The following EPS15L1 variants were observed in gnomAD, a reference collection of about 807,000 sequenced individuals.
EPS15L1 encodes epidermal growth factor receptor substrate 15-like 1.
In EPS15L1, 43 loss-of-function variants were observed where a neutral mutation model predicts 117.1. The observed-to-expected ratio is 0.37, with a 90% CI of 0.29 to 0.47. The LOEUF is 0.47. Ranked by LOEUF, EPS15L1 falls within the 20% of genes least tolerant of loss-of-function variation. The pLI is 0.99. For missense variants in EPS15L1, 981 were observed against 1,164.0 expected (o/e 0.84, Z 2.29); for synonymous variants, 459 against 470.5 (o/e 0.98, Z 0.32).
At chr19:16,416,998 G>A (rs186844842) in intron 12 of EPS15L1, among the ~76,000 whole-genome samples, 47 of 152,324 alleles carry the variant, frequency 3.1e-4, no homozygotes, top group Non-Finnish European at 5.6e-4. Context: ...TCAGCTGCTG[G>A]GTCCTAAGCC....
chr19:16,396,289 T>G (rs2092539928), intron 16 of EPS15L1, among the ~76,000 whole-genome samples: 1 of 152,158 alleles, frequency 6.6e-6, no homozygotes, highest in Non-Finnish European at 1.5e-5. Context: ...TGAAACAGGG[T>G]CTCACTCTGT....
intron 1 of EPS15L1, among the ~76,000 whole-genome samples, chr19:16,450,209 T>C (rs1405940781): frequency 6.6e-6 from 1 of 152,102 alleles, no homozygotes; most frequent in East Asian, 1.9e-4. Context: ...ATCGTGCTAC[T>C]GCACTCCAGC....
intron 19 of EPS15L1, among the ~76,000 whole-genome samples, chr19:16,390,948 A>G (rs909197979): frequency 6.6e-6 from 1 of 152,264 alleles, no homozygotes; most frequent in African/African-American, 2.4e-5. Context: ...AAATATTTTA[A>G]GTTGAAAATG....
At chr19:16,397,355 G>C (rs1380448774) in intron 16 of EPS15L1, among the ~76,000 whole-genome samples, 2 of 152,178 alleles carry the variant, frequency 1.3e-5, no homozygotes, top group Non-Finnish European at 2.9e-5. Flanking sequence ...CTCCCAAAGT[G>C]CTGGGATTAC....
chr19:16,437,957 A>C, intron 4 of EPS15L1, 92 bp from the exon 5 acceptor site: 1 of 963,634 alleles, frequency 1.0e-6, no homozygotes, highest in African/African-American at 1.6e-5. Flanking sequence ...GGGAAAGAGG[A>C]TGTGCACTTC....
intron 1 of EPS15L1, among the ~76,000 whole-genome samples, chr19:16,462,734 G>A (rs953284977): frequency 6.6e-6 from 1 of 152,170 alleles, no homozygotes; most frequent in African/African-American, 2.4e-5. Flanking sequence ...AGGGGGCCAG[G>A]AAGCTGTGAA....
intron 1 of EPS15L1, among the ~76,000 whole-genome samples, chr19:16,461,679 C>CA (rs2093253887): frequency 6.6e-6 from 1 of 152,146 alleles, no homozygotes; most frequent in South Asian, 2.1e-4. Context: ...GGCGTAATGA[C>CA]AGAGGCACAC....
At chr19:16,429,048 T>C (rs1343785653) in intron 7 of EPS15L1, among the ~76,000 whole-genome samples, 1 of 151,000 alleles carries the variant, frequency 6.6e-6, no homozygotes, top group East Asian at 1.9e-4. Context: ...TTCTTCTTTA[T>C]TGTCTTACAG....
At chr19:16,466,427 A>G (rs79670178) in intron 1 of EPS15L1, among the ~76,000 whole-genome samples, 1 of 151,846 alleles carries the variant, frequency 6.6e-6, no homozygotes, top group Non-Finnish European at 1.5e-5. Context: ...CACAGCATCA[A>G]TCCCCACCGA....
intron 16 of EPS15L1, among the ~76,000 whole-genome samples, chr19:16,399,242 T>C (rs1291354559): frequency 1.3e-5 from 2 of 152,116 alleles, no homozygotes; most frequent in African/African-American, 4.8e-5. Flanking sequence ...TTTGATTCCA[T>C]TGCACAGAAT....
intron 1 of EPS15L1, among the ~76,000 whole-genome samples, chr19:16,465,595 CT>C (rs1178313782): frequency 2.6e-5 from 4 of 152,010 alleles, no homozygotes; most frequent in African/African-American, 9.7e-5. Flanking sequence ...AGGTGGGAGG[CT>C]CACTTGAGGC....
At chr19:16,375,688 C>T (rs2092286586) in intron 22 of EPS15L1, among the ~76,000 whole-genome samples, 1 of 152,198 alleles carries the variant, frequency 6.6e-6, no homozygotes, top group South Asian at 2.1e-4. Context: ...CAGAAATGAT[C>T]TCTTTACGCA....
chr19:16,416,294 C>T (rs1236680102), intron 12 of EPS15L1, among the ~76,000 whole-genome samples: 2 of 152,142 alleles, frequency 1.3e-5, no homozygotes, highest in Non-Finnish European at 2.9e-5. Flanking sequence ...GGCCCTTCTG[C>T]ATGGTGCCCC....
At position 16,406,944 on chromosome 19, in the gene EPS15L1, C is replaced by T. The variant is rs558491472; in HGVS notation, c.1267-2195G>A. Among the ~76,000 whole-genome samples the T allele has an allele frequency of 2.0e-5, 3 of 152,266 alleles. No homozygotes were observed. The East Asian group carries it at 5.8e-4, about 29-fold the overall frequency. Reference sequence around the variant, plus strand: ...GGGATTAGTGGCCTTATAAAAGAGGCCCCTGAGAGCTGCCTCGATCTTTCC... The same window carrying T: ...GGGATTAGTGGCCTTATAAAAGAGGTCCCTGAGAGCTGCCTCGATCTTTCC... On this transcript the variant is annotated intron_variant, in intron 13 of 23. Coordinates refer to ENST00000455140, the MANE Select transcript of EPS15L1 (RefSeq NM_001258374.3).
At chr19:16,442,907 A>C (rs1599658497) in intron 1 of EPS15L1, among the ~76,000 whole-genome samples, 1 of 152,288 alleles carries the variant, frequency 6.6e-6, no homozygotes, top group South Asian at 2.1e-4. Context: ...AATCGGGGCC[A>C]CCAGAGGCCA....
chr19:16,440,704 C>T lies in EPS15L1; in HGVS notation c.213+158G>A, dbSNP rs939315953. On this transcript the variant is annotated intron_variant, in intron 4 of 23. Coordinates refer to ENST00000455140, the MANE Select transcript of EPS15L1 (RefSeq NM_001258374.3). The stretch of plus-strand genomic sequence containing the variant: ...AGATGGCTCCAAGTGTTTAAAAGAC[C>T]TTTATTTCAAAATGAAAACTTCCCG... 7 of 589,542 alleles carry T rather than the reference C, an allele frequency of 1.2e-5. No individual in the cohort carries two copies. The East Asian group carries it at 1.9e-4, about 16-fold the overall frequency. 36.5% of individuals were successfully genotyped at this position (589,542 alleles called of 1,614,324 possible).
chr19:16,392,580 T>G (rs2092489454), intron 18 of EPS15L1, 140 bp from the exon 19 acceptor site: 4 of 806,412 alleles, frequency 5.0e-6, no homozygotes, highest in African/African-American at 3.5e-5. Context: ...AGGATAATGG[T>G]GGCCAGGGGA....
chr19:16,374,045 T>C (rs530637128), intron 22 of EPS15L1, among the ~76,000 whole-genome samples: 8 of 152,366 alleles, frequency 5.3e-5, no homozygotes, highest in South Asian at 4.1e-4. Flanking sequence ...TGCGCGTGCA[T>C]TGGCTGTTTT....
intron 22 of EPS15L1, among the ~76,000 whole-genome samples, chr19:16,362,767 C>A (rs146392606): frequency 6.6e-6 from 1 of 152,164 alleles, no homozygotes; most frequent in East Asian, 1.9e-4. Context: ...GCCTCAGCCT[C>A]CCAAAGTGCT....
Sources: gnomAD v4.1 joint callset for allele counts (sites outside exome capture counted in the v4.1 genomes callset) on GRCh38, gnomAD v4.1.1 for gene constraint, MANE v1.5 for transcripts, NCBI Gene and HGNC (gene_info 2026-07-23, HGNC 2026-07-21) for gene names.